TNRC6B: variants seen among roughly 807,000 people sequenced by gnomAD.
The protein encoded by TNRC6B is trinucleotide repeat-containing gene 6B protein.
In TNRC6B, 52 loss-of-function variants were observed where a neutral mutation model predicts 203.6. The ratio of observed to expected loss-of-function variants is 0.26; its 90% CI spans 0.20 to 0.32. The LOEUF (loss-of-function observed/expected upper bound fraction) is 0.32. Among genes scored for constraint, TNRC6B ranks in the 10% least tolerant of loss-of-function variants. The pLI, the probability that TNRC6B is intolerant of heterozygous loss-of-function variation, is 1.00. For synonymous variants in TNRC6B, 838 were observed against 845.7 expected, an observed-to-expected ratio of 0.99 and a Z score of 0.16; for missense variants, 1,923 against 2,286.2, an observed-to-expected ratio of 0.84 and a Z score of 3.24.
chr22:40,308,289 G>C (rs962135797), intron 15 of TNRC6B, among the ~76,000 whole-genome samples: 4 of 152,218 alleles, frequency 2.6e-5, no homozygotes, highest in Admixed American at 2.0e-4. Flanking sequence ...AGACAGACCT[G>C]ATCGATGGCA....
At chr22:40,061,324 C>T (rs577088658) in intron 1 of TNRC6B, among the ~76,000 whole-genome samples, 1 of 152,266 alleles carries the variant, frequency 6.6e-6, no homozygotes, top group East Asian at 1.9e-4. Flanking sequence ...AAGCGATTCT[C>T]CAGCCTTGGC....
intron 19 of TNRC6B, among the ~76,000 whole-genome samples, chr22:40,314,311 G>A (rs2071227806): frequency 6.6e-6 from 1 of 152,032 alleles, no homozygotes; most frequent in Admixed American, 6.5e-5. Context: ...CCTGGATCCA[G>A]GCAGTTATGA....
chr22:40,098,065 G>A (rs1473655100), intron 1 of TNRC6B, among the ~76,000 whole-genome samples: 1 of 151,996 alleles, frequency 6.6e-6, no homozygotes, highest in Non-Finnish European at 1.5e-5. Context: ...GTGTGTGTGT[G>A]TAAGTGTATG....
intron 1 of TNRC6B, among the ~76,000 whole-genome samples, chr22:40,056,118 C>T (rs1388389931): frequency 6.6e-6 from 1 of 152,204 alleles, no homozygotes; most frequent in Non-Finnish European, 1.5e-5. Context: ...AGTAGTGTCT[C>T]CTTTCCCCAT....
intron 5 of TNRC6B, among the ~76,000 whole-genome samples, chr22:40,268,070 GTTAAAA>G (rs1037008199): frequency 2.6e-5 from 4 of 152,048 alleles, no homozygotes; most frequent in Admixed American, 6.5e-5. Context: ...TCTTTTTTTA[GTTAAAA>G]TTAATATTAA....
intron 12 of TNRC6B, among the ~76,000 whole-genome samples, chr22:40,287,998 T>A (rs1246469933): frequency 6.6e-6 from 1 of 152,236 alleles, no homozygotes; most frequent in Non-Finnish European, 1.5e-5. Flanking sequence ...AGCAGGAGCC[T>A]CATGTGCAAG....
chr22:40,122,519 C>G (rs2068455318), intron 2 of TNRC6B, among the ~76,000 whole-genome samples: 1 of 152,160 alleles, frequency 6.6e-6, no homozygotes, highest in Admixed American at 6.5e-5. Flanking sequence ...CTTCCTGGGG[C>G]AGCTGGTTTC....
At chr22:40,130,494 T>C (rs1361570454) in intron 3 of TNRC6B, among the ~76,000 whole-genome samples, 1 of 151,918 alleles carries the variant, frequency 6.6e-6, no homozygotes, top group Non-Finnish European at 1.5e-5. Flanking sequence ...AGTTAACAAA[T>C]GAATTGGCCG....
intron 19 of TNRC6B, 64 bp from the exon 20 acceptor site, chr22:40,315,219 G>A: frequency 7.7e-7 from 1 of 1,306,186 alleles, no homozygotes; most frequent in East Asian, 2.4e-5. Flanking sequence ...TAAAACTCAT[G>A]TGTATTTGTC....
At chr22:40,172,707 T>G (rs1038669595) in intron 4 of TNRC6B, among the ~76,000 whole-genome samples, 18 of 152,218 alleles carry the variant, frequency 1.2e-4, no homozygotes, top group Non-Finnish European at 4.4e-5. Context: ...AAGCTTTTCC[T>G]TTTATCCTTA....
At chr22:40,224,255 T>C (rs2069753425) in intron 1 of TNRC6B, among the ~76,000 whole-genome samples, 1 of 152,180 alleles carries the variant, frequency 6.6e-6, no homozygotes, top group African/African-American at 2.4e-5. Flanking sequence ...TGTGCCTGTC[T>C]CAGCCTCCCA....
At chr22:40,116,678 T>G (rs559237227) in intron 1 of TNRC6B, among the ~76,000 whole-genome samples, 1 of 152,140 alleles carries the variant, frequency 6.6e-6, no homozygotes, top group Non-Finnish European at 1.5e-5. Flanking sequence ...TGGGCTGATA[T>G]GAGGGGTTGG....
chr22:40,224,409 T>G (rs2069755967), intron 1 of TNRC6B, among the ~76,000 whole-genome samples: 1 of 152,208 alleles, frequency 6.6e-6, no homozygotes, highest in African/African-American at 2.4e-5. Flanking sequence ...TTCATTTCCT[T>G]CACCCATTTT....
chr22:40,185,115 C>G (rs1428643462), intron 1 of TNRC6B, among the ~76,000 whole-genome samples: 1 of 152,140 alleles, frequency 6.6e-6, no homozygotes, highest in Non-Finnish European at 1.5e-5. Flanking sequence ...CTCAGCCTCC[C>G]GAGTAGCTGG....
chr22:40,158,143 G>A (rs1158829234), intron 4 of TNRC6B, among the ~76,000 whole-genome samples: 1 of 152,072 alleles, frequency 6.6e-6, no homozygotes, highest in Non-Finnish European at 1.5e-5. Flanking sequence ...TTCAAGACCA[G>A]CCTGACCAAC....
rs2071206614 is a variant in TNRC6B, at chr22:40,312,988, A to T, written c.4669A>T (p.Ser1557Cys). ...ASDNSFTNVH[S>C]TSAKFPDYKS... ...TGACAACTCCTTTACCAACGTTCAT[A>T]GCACTTCAGGTATGAGTGTGAATTT... Residue 1557 changes from serine to cysteine, a missense_variant, in exon 19 of 23, where the codon AGC becomes TGC. Ser to Cys is a moderately radical substitution (Grantham distance 112). Around this residue, in one of 8 missense-constraint regions of TNRC6B, gnomAD observed 159 missense variants for 181.0 expected, o/e 0.88. Coordinates refer to ENST00000454349, the MANE Select transcript of TNRC6B (RefSeq NM_001162501.2). 1 of 1,613,422 alleles carries T rather than the reference A, an allele frequency of 6.2e-7. No homozygotes were observed. Among genetic ancestry groups the T allele is most frequent in the East Asian group, 2.2e-5 (1 of 44,890 alleles).
chr22:40,165,980 T>C (rs947461289), intron 4 of TNRC6B, among the ~76,000 whole-genome samples: 1 of 152,126 alleles, frequency 6.6e-6, no homozygotes, highest in Admixed American at 6.6e-5. Context: ...TGTTGTTTTG[T>C]TTTGTTTTGT....
chr22:40,125,507 A>G (rs942942605), intron 2 of TNRC6B, among the ~76,000 whole-genome samples: 3 of 152,164 alleles, frequency 2.0e-5, no homozygotes, highest in African/African-American at 7.2e-5. Context: ...AGGGAAAGAA[A>G]TCTAGAGCTA....
chr22:40,203,560 T>C lies in TNRC6B; in HGVS notation c.5+25420T>C, dbSNP rs1320883847. On this transcript the variant is annotated intron_variant, in intron 1 of 22. Coordinates refer to ENST00000454349, the MANE Select transcript of TNRC6B (RefSeq NM_001162501.2). ...TGGGAAAACAGCCTAAAAAACTCTTTGATTACTTTGATAGATACCACTTAT... is the reference window on the plus strand; with the variant it reads ...TGGGAAAACAGCCTAAAAAACTCTTCGATTACTTTGATAGATACCACTTAT... Among the ~76,000 whole-genome samples, 4 of 152,128 alleles carry C rather than the reference T, an allele frequency of 2.6e-5. No homozygotes were observed. In the East Asian group the frequency reaches 7.7e-4, roughly 29 times the overall value.
Sources: allele counts gnomAD v4.1 joint callset (sites outside exome capture counted in the v4.1 genomes callset), GRCh38; gene constraint gnomAD v4.1.1; regional missense constraint gnomAD v4.1.1; transcripts MANE v1.5; gene names NCBI Gene and HGNC (gene_info 2026-07-23, HGNC 2026-07-21).